Variants in NAV2 observed in about 807,000 individuals in gnomAD.
The protein encoded by NAV2 is neuron navigator 2, also known as helicase, APC down-regulated 1.
A neutral mutation model predicts 223.2 loss-of-function variants in NAV2; 54 were observed. That is an observed-to-expected ratio of 0.24 (90% CI 0.19 to 0.30). The LOEUF is 0.30. NAV2 is among the 10% of genes least tolerant of loss of function. The pLI is 1.00. For synonymous variants in NAV2, 1,279 were observed against 1,239.3 expected (o/e 1.03, Z -0.67); for missense variants, 2,806 against 3,147.5 (o/e 0.89, Z 2.60).
At chr11:19,732,854 T>A (rs2051927944) in intron 1 of NAV2, among the ~76,000 whole-genome samples, 1 of 152,222 alleles carries the variant, frequency 6.6e-6, no homozygotes, top group South Asian at 2.1e-4. Flanking sequence ...TCTGATGACT[T>A]ACGTGCCTCA....
intron 19 of NAV2, among the ~76,000 whole-genome samples, chr11:20,058,879 C>T (rs542764670): frequency 4.1e-4 from 62 of 152,306 alleles, no homozygotes; most frequent in Non-Finnish European, 7.5e-4. Context: ...TAAGTGCTCA[C>T]TCAATGGTAG....
At chr11:19,396,078 G>A (rs889452419) in intron 1 of NAV2, among the ~76,000 whole-genome samples, 2 of 152,206 alleles carry the variant, frequency 1.3e-5, no homozygotes, top group African/African-American at 4.8e-5. Flanking sequence ...TGCATATGAA[G>A]TACCTAGAGC....
Position 19,795,085 on chromosome 11 carries a change from C to T in NAV2, c.268-37399C>T, listed in dbSNP as rs139742310. On this transcript the variant is annotated intron_variant, in intron 1 of 37. Coordinates refer to ENST00000349880, the MANE Select transcript of NAV2 (RefSeq NM_145117.5). ...AGGCAAACAAGGTTGAATAACCTGT[C>T]CAGTGCCACAGTCTGCGCAAGGCTA... Among the ~76,000 whole-genome samples, 733 of 152,298 alleles carry T rather than the reference C, an allele frequency of 4.8e-3. 4 individuals are homozygous for T. The highest frequency in any genetic ancestry group is 7.5e-3 in the Non-Finnish European group (512 of 68,022).
rs559797442 is a variant in NAV2 at position 19,657,586 on chromosome 11, T to G, written c.76-174898T>G. On this transcript the variant is annotated intron_variant, in intron 1 of 37. Coordinates refer to the NAV2 transcript ENST00000360655. ...ACTTCCTTCAGCTTTCTGAAGTCAC[T>G]CCTTCTCTGTATTCTGAGAGGGTGA... 2.0e-5 allele frequency among the ~76,000 whole-genome samples: 3 copies of G among 152,264 alleles called. No homozygotes were observed. In the East Asian group the frequency reaches 5.8e-4, roughly 29 times the overall value.
At position 19,819,975 on chromosome 11, in the gene NAV2, A is replaced by G. The variant is rs533091107; in HGVS notation, c.268-12509A>G. On this transcript the variant is annotated intron_variant, in intron 1 of 37. Coordinates refer to ENST00000349880, the MANE Select transcript of NAV2 (RefSeq NM_145117.5). ...TCCAAGGTCTTGGCTGGGCATGATA[A>G]GGCCAGACGTCCTAGGGAGCCTGTG... 5.8e-4 allele frequency among the ~76,000 whole-genome samples: 89 copies of G among 152,352 alleles called. 1 individual carries two copies. Among genetic ancestry groups the G allele is most frequent in the Non-Finnish European group, 1.1e-3 (72 of 68,030 alleles).
intron 3 of NAV2, among the ~76,000 whole-genome samples, chr11:19,860,592 G>A (rs1239445069): frequency 4.1e-3 from 541 of 131,206 alleles, no homozygotes; most frequent in East Asian, 0.015. Context: ...GACGATGGGC[G>A]GCCAGGCAGA....
At chr11:19,744,583 T>C (rs1236317636) in intron 1 of NAV2, among the ~76,000 whole-genome samples, 5 of 151,940 alleles carry the variant, frequency 3.3e-5, no homozygotes, top group African/African-American at 4.8e-5. Context: ...TTTTAAAGAT[T>C]TGTGACATGG....
At chr11:19,841,191 A>G (rs924409135) in intron 2 of NAV2, among the ~76,000 whole-genome samples, 1 of 151,894 alleles carries the variant, frequency 6.6e-6, no homozygotes, top group Non-Finnish European at 1.5e-5. Flanking sequence ...GGCAGGTTCT[A>G]AAAAAAAGGT....
intron 6 of NAV2, among the ~76,000 whole-genome samples, chr11:19,911,379 C>G (rs2043304618): frequency 6.6e-6 from 1 of 152,044 alleles, no homozygotes; most frequent in African/African-American, 2.4e-5. Flanking sequence ...ACAGCGTGTC[C>G]AAAGTCTAGA....
chr11:20,036,657 A>T (rs1481789377), intron 12 of NAV2, among the ~76,000 whole-genome samples: 1 of 152,196 alleles, frequency 6.6e-6, no homozygotes, highest in Non-Finnish European at 1.5e-5. Flanking sequence ...TTCCCTGTCA[A>T]ATTTTTAGAA....
chr11:19,573,395 C>A lies in NAV2; in HGVS notation c.75+222368C>A, dbSNP rs140215167. On this transcript the variant is annotated intron_variant, in intron 1 of 37. Transcript: ENST00000360655. ...GGTCTTTGAAGTCAGGGATTTTGAC[C>A]ATTTTGTTAATGATGTTTTCTCCAG... 2.7e-3 allele frequency among the ~76,000 whole-genome samples: 418 copies of A among 152,260 alleles called. 1 individual carries two copies. Among genetic ancestry groups the A allele is most frequent in the Non-Finnish European group, 5.4e-3 (366 of 68,014 alleles).
At chr11:19,831,804 G>A (rs2152903101) in intron 1 of NAV2, among the ~76,000 whole-genome samples, 1 of 152,328 alleles carries the variant, frequency 6.6e-6, no homozygotes, top group East Asian at 1.9e-4. Flanking sequence ...CTTCTAAAAT[G>A]CTGCACACAA....
chr11:19,974,240 A>G (rs891579296), intron 10 of NAV2, among the ~76,000 whole-genome samples: 3 of 152,230 alleles, frequency 2.0e-5, no homozygotes, highest in African/African-American at 7.2e-5. Flanking sequence ...TTTTGGCCTG[A>G]CTACCTGCAA....
intron 1 of NAV2, among the ~76,000 whole-genome samples, chr11:19,429,683 G>C (rs1850972906): frequency 6.6e-6 from 1 of 152,214 alleles, no homozygotes; most frequent in Non-Finnish European, 1.5e-5. Flanking sequence ...ACACTTTAAA[G>C]ATTGACATAA....
chr11:19,511,560 A>G (rs928379653), intron 1 of NAV2: 1 of 152,248 alleles, frequency 6.6e-6, no homozygotes, highest in Non-Finnish European at 1.5e-5. Flanking sequence ...AGGGAGGGCT[A>G]GTGCATGAGG....
At chr11:19,904,110 G>A (rs2042669925) in intron 6 of NAV2, among the ~76,000 whole-genome samples, 1 of 152,192 alleles carries the variant, frequency 6.6e-6, no homozygotes, top group Non-Finnish European at 1.5e-5. Context: ...AAAAGGTTAT[G>A]CTAGATTTGG....
At chr11:19,934,799 G>A (rs1345341463) in intron 7 of NAV2, among the ~76,000 whole-genome samples, 1 of 139,318 alleles carries the variant, frequency 7.2e-6, no homozygotes, top group African/African-American at 2.7e-5. Flanking sequence ...GGGACATTGG[G>A]GAGAAGAGTA....
chr11:19,790,995 C>T (rs893966944), intron 1 of NAV2, among the ~76,000 whole-genome samples: 3 of 151,944 alleles, frequency 2.0e-5, no homozygotes, highest in East Asian at 1.9e-4. Context: ...TTTGTCTGCA[C>T]AACAGTCCCT....
intron 1 of NAV2, among the ~76,000 whole-genome samples, chr11:19,720,411 C>T (rs1452057489): frequency 2.0e-5 from 3 of 152,220 alleles, no homozygotes; most frequent in African/African-American, 7.2e-5. Flanking sequence ...CCAGGGAATA[C>T]AGATCCTCTC....
Sources: gnomAD v4.1 joint callset for allele counts (sites outside exome capture counted in the v4.1 genomes callset) on GRCh38, gnomAD v4.1.1 for gene constraint, MANE v1.5 for transcripts, NCBI Gene and HGNC (gene_info 2026-07-23, HGNC 2026-07-21) for gene names.